Variants in CDC14A observed in about 807,000 individuals in gnomAD.
CDC14A encodes cell division cycle 14A.
CDC14A carries 53 observed loss-of-function variants against 74.4 expected under a neutral mutation model. That is an observed-to-expected ratio of 0.71 (90% CI 0.57 to 0.89). CDC14A has a LOEUF of 0.89. Among genes scored for constraint, CDC14A ranks in the 40% least tolerant of loss-of-function variants. CDC14A has a pLI of 0.00. For synonymous variants in CDC14A, 247 were observed against 258.4 expected, an observed-to-expected ratio of 0.96 and a Z score of 0.43; for missense variants, 646 against 713.7, an observed-to-expected ratio of 0.91 and a Z score of 1.08.
intron 11 of CDC14A, among the ~76,000 whole-genome samples, chr1:100,490,961 A>G (rs1407942768): frequency 6.6e-6 from 1 of 152,196 alleles, no homozygotes; most frequent in Non-Finnish European, 1.5e-5. Context: ...AGCCTTTTGG[A>G]GGGCAATTTG....
At chr1:100,351,186 C>A (rs957032148), upstream of CDC14A, among the ~76,000 whole-genome samples, 2 of 151,884 alleles carry the variant, frequency 1.3e-5, no homozygotes, top group Non-Finnish European at 2.9e-5. Flanking sequence ...AGAGCGAGAC[C>A]CTGTCTAAAA....
intron 15 of CDC14A, among the ~76,000 whole-genome samples, chr1:100,502,828 C>T (rs559617954): frequency 5.3e-5 from 8 of 152,294 alleles, no homozygotes; most frequent in South Asian, 4.1e-4. Context: ...TCCTCCTCCT[C>T]GTCCCTCTTC....
At position 100,508,481 on chromosome 1, in the gene CDC14A, G is replaced by A. The variant is rs1384992671; in HGVS notation, c.1755+9219G>A. ...TGGTAGGTTCAGATGGGATGGGAGTGTTGGTGTGTTTCTCTCCTCTTTCTC... is the reference window on the plus strand; with the variant it reads ...TGGTAGGTTCAGATGGGATGGGAGTATTGGTGTGTTTCTCTCCTCTTTCTC... On this transcript the variant is annotated intron_variant, in intron 15 of 15. Coordinates refer to ENST00000336454, the MANE Select transcript of CDC14A (RefSeq NM_003672.4). This position sits in a 1 kb window ranked among gnomAD's most constrained non-coding sequence, Gnocchi z 4.4. Among the ~76,000 whole-genome samples, 1 of 152,142 alleles carries A rather than the reference G, an allele frequency of 6.6e-6. No individual in the cohort carries two copies. The highest frequency in any genetic ancestry group is 2.4e-5 in the African/African-American group (1 of 41,440).
chr1:100,441,512 A>G (rs1664924944), intron 6 of CDC14A, among the ~76,000 whole-genome samples: 1 of 152,170 alleles, frequency 6.6e-6, no homozygotes, highest in Admixed American at 6.5e-5. Flanking sequence ...TATAGTTTAT[A>G]TTCCATGTTA....
chr1:100,398,308 G>A (rs12065152), intron 4 of CDC14A, among the ~76,000 whole-genome samples: 44,108 of 151,870 alleles, frequency 0.29, 9,011 homozygotes, highest in African/African-American at 0.58. Flanking sequence ...TAGACCCTTT[G>A]GGCTACCTCC....
At chr1:100,381,701 G>A (rs976570467) in intron 3 of CDC14A, among the ~76,000 whole-genome samples, 1 of 151,990 alleles carries the variant, frequency 6.6e-6, no homozygotes, top group Non-Finnish European at 1.5e-5. Flanking sequence ...TTTTAATTAT[G>A]TCAATCAGAA....
At chr1:100,458,264 G>A (rs998691652) in intron 8 of CDC14A, among the ~76,000 whole-genome samples, 2 of 152,114 alleles carry the variant, frequency 1.3e-5, no homozygotes, top group Admixed American at 6.5e-5. Flanking sequence ...TCTGAATTTT[G>A]TGTTGTTTTA....
At chr1:100,450,480 G>A (rs756954884) in intron 7 of CDC14A, among the ~76,000 whole-genome samples, 22 of 152,166 alleles carry the variant, frequency 1.4e-4, no homozygotes, top group Non-Finnish European at 2.8e-4. Flanking sequence ...ATGTGGGCAT[G>A]TCCTCACCAC....
chr1:100,471,913 T>C (rs1252565738), intron 10 of CDC14A, among the ~76,000 whole-genome samples: 1 of 152,154 alleles, frequency 6.6e-6, no homozygotes, highest in Admixed American at 6.5e-5. Context: ...TAAAATAATG[T>C]ATTCATACTT....
chr1:100,424,357 G>A lies in CDC14A; in HGVS notation c.389+56G>A, dbSNP rs578138026. ...TTTTGCTACAGAGCTGGACACTTTA[G>A]AGTTGGGTTGTAGTGTTTTTTAATT... is the stretch of plus-strand genomic sequence containing the variant. On this transcript the variant is annotated intron_variant, in intron 5 of 15. Transcript: ENST00000336454. 5 of 1,206,532 alleles carry A rather than the reference G, an allele frequency of 4.1e-6. No individual in the cohort carries two copies. In the South Asian group the frequency reaches 6.0e-5, roughly 15 times the overall value. The allele number at this position is 1,206,532 out of a possible 1,614,324, so 74.7% of individuals were successfully genotyped here. A position where few individuals can be genotyped will look rare whatever the true frequency, so the allele number is the denominator to read the frequency against.
intron 2 of CDC14A, among the ~76,000 whole-genome samples, chr1:100,359,933 T>C (rs1410894487): frequency 6.7e-6 from 1 of 150,236 alleles, no homozygotes; most frequent in African/African-American, 2.4e-5. Context: ...GCTGCTTTTT[T>C]TCACCTTCTT....
rs1313344620 is a variant in CDC14A, at chr1:100,519,598, A to C, written c.*1318A>C. On this transcript the variant is annotated 3_prime_UTR_variant, in exon 16 of 16. Coordinates refer to ENST00000336454, the MANE Select transcript of CDC14A (RefSeq NM_003672.4). Reference sequence around the variant, plus strand: ...GTATTTATTAGGGGAGGGTACCTTGAGTCTATTATATATGCTTCATCAAAA... The same window carrying C: ...GTATTTATTAGGGGAGGGTACCTTGCGTCTATTATATATGCTTCATCAAAA... 2.0e-5 allele frequency: 3 copies of C among 152,520 alleles called. No homozygotes were observed. In the East Asian group the frequency reaches 5.8e-4, roughly 29 times the overall value. 9.4% of individuals were successfully genotyped at this position (152,520 alleles called of 1,614,324 possible).
At chr1:100,428,513 A>T (rs1328643377) in intron 5 of CDC14A, among the ~76,000 whole-genome samples, 3 of 152,162 alleles carry the variant, frequency 2.0e-5, no homozygotes, top group Non-Finnish European at 4.4e-5. Context: ...TGAATTGACA[A>T]TCTAGGTATG....
At chr1:100,376,831 T>C (rs1382839126) in intron 2 of CDC14A, among the ~76,000 whole-genome samples, 1 of 152,098 alleles carries the variant, frequency 6.6e-6, no homozygotes, top group Non-Finnish European at 1.5e-5. Context: ...TTGTGAGCTA[T>C]GTTTGAGAGG....
chr1:100,352,232 C>A (rs962461314), upstream of CDC14A, among the ~76,000 whole-genome samples: 1 of 152,216 alleles, frequency 6.6e-6, no homozygotes, highest in Non-Finnish European at 1.5e-5. Context: ...CTACAGGCCC[C>A]GCCCGCTCCC....
chr1:100,447,228 G>A (rs888410669), intron 7 of CDC14A, among the ~76,000 whole-genome samples: 2 of 152,184 alleles, frequency 1.3e-5, no homozygotes, highest in Non-Finnish European at 2.9e-5. Context: ...AAAGCTCGAG[G>A]TGAGATACCT....
At chr1:100,379,141 A>C (rs1655739209) in intron 3 of CDC14A, among the ~76,000 whole-genome samples, 2 of 152,354 alleles carry the variant, frequency 1.3e-5, no homozygotes, top group Non-Finnish European at 2.9e-5. Context: ...AGGAGTCATT[A>C]TCAGGAAAGT....
chr1:100,513,791 C>A (rs1456861569), intron 15 of CDC14A, among the ~76,000 whole-genome samples: 1 of 152,092 alleles, frequency 6.6e-6, no homozygotes, highest in Non-Finnish European at 1.5e-5. Context: ...AGATTAGTAG[C>A]AGATTTCCAG....
At chr1:100,516,958 C>A (rs1195747390) in intron 15 of CDC14A, among the ~76,000 whole-genome samples, 2 of 152,206 alleles carry the variant, frequency 1.3e-5, no homozygotes, top group Non-Finnish European at 2.9e-5. Context: ...CACCCATTTC[C>A]CTTACTACCT....
Sources: allele counts gnomAD v4.1 joint callset (sites outside exome capture counted in the v4.1 genomes callset), GRCh38; gene constraint gnomAD v4.1.1; non-coding constraint Gnocchi (gnomAD v3.1); transcripts MANE v1.5; gene names NCBI Gene and HGNC (gene_info 2026-07-23, HGNC 2026-07-21).